The following CA10 variants were observed in gnomAD, a reference collection of about 807,000 sequenced individuals.
CA10 encodes the protein carbonic anhydrase-related protein 10.
Under a neutral mutation model 44.2 loss-of-function variants are expected in CA10, and 14 were observed. The observed-to-expected ratio is 0.32, with a 90% confidence interval of 0.21 to 0.50. The LOEUF is 0.50. CA10 is among the 20% of genes least tolerant of loss of function. The pLI is 0.99. For missense variants in CA10, 350 were observed against 409.7 expected (o/e 0.85, Z 1.26); for synonymous variants, 159 against 141.6 (o/e 1.12, Z -0.87).
chr17:51,817,999 C>A (rs1288958952), intron 3 of CA10, among the ~76,000 whole-genome samples: 2 of 152,202 alleles, frequency 1.3e-5, no homozygotes, highest in South Asian at 2.1e-4. Flanking sequence ...ATTTTCACTG[C>A]TGTTAGTATC....
At chr17:52,088,702 AC>A (rs1419635840) in intron 1 of CA10, among the ~76,000 whole-genome samples, 2 of 152,186 alleles carry the variant, frequency 1.3e-5, no homozygotes, top group African/African-American at 4.8e-5. Context: ...TCCCCCTCAA[AC>A]AATAGGTTTT....
intron 3 of CA10, among the ~76,000 whole-genome samples, chr17:51,759,496 TA>T (rs35492924): frequency 2.9e-4 from 18 of 61,474 alleles, no homozygotes; most frequent in Non-Finnish European, 3.6e-4. Context: ...TTAATATATT[TA>T]TTTTTTTTGG....
chr17:51,925,534 A>C (rs1372317403), intron 3 of CA10, among the ~76,000 whole-genome samples: 2 of 152,130 alleles, frequency 1.3e-5, no homozygotes, highest in Non-Finnish European at 2.9e-5. Context: ...AAAAAGTGTG[A>C]CAAACCTCAA....
intron 3 of CA10, among the ~76,000 whole-genome samples, chr17:51,791,929 T>C (rs1906533447): frequency 1.3e-5 from 2 of 152,308 alleles, no homozygotes; most frequent in African/African-American, 4.8e-5. Context: ...TGTATTAAAA[T>C]TCTTTATGCG....
intron 2 of CA10, among the ~76,000 whole-genome samples, chr17:51,932,576 A>T (rs1202248780): frequency 2.0e-5 from 3 of 152,142 alleles, no homozygotes; most frequent in Non-Finnish European, 1.5e-5. Flanking sequence ...ATTTGGTTTC[A>T]TCCATGCCAA....
chr17:51,633,357 T>C, intron 8 of CA10, 119 bp downstream of exon 8: 1 of 995,244 alleles, frequency 1.0e-6, no homozygotes, highest in East Asian at 2.5e-5. Flanking sequence ...GTGATGGCTA[T>C]TGTCATTTAC....
chr17:51,765,421 A>G (rs2143645447), intron 3 of CA10, among the ~76,000 whole-genome samples: 1 of 152,308 alleles, frequency 6.6e-6, no homozygotes, highest in South Asian at 2.1e-4. Flanking sequence ...GTAAGGAAAT[A>G]TACTCTTAAT....
intron 1 of CA10, among the ~76,000 whole-genome samples, chr17:52,126,909 G>A (rs1439169970): frequency 6.6e-6 from 1 of 152,174 alleles, no homozygotes; most frequent in Non-Finnish European, 1.5e-5. Flanking sequence ...ATGTTTTGAT[G>A]TCAACTTTTT....
intron 3 of CA10, among the ~76,000 whole-genome samples, chr17:51,816,020 T>C (rs1488257083): frequency 6.6e-6 from 1 of 152,114 alleles, no homozygotes; most frequent in Non-Finnish European, 1.5e-5. Context: ...GTAGATCTTG[T>C]TCATTCTTTC....
intron 4 of CA10, among the ~76,000 whole-genome samples, chr17:51,744,392 C>T (rs1045970235): frequency 1.3e-5 from 2 of 151,910 alleles, no homozygotes; most frequent in Non-Finnish European, 2.9e-5. Context: ...TTCCCCTGCT[C>T]ATTCGAATGT....
At chr17:51,980,118 A>G (rs907433352) in intron 2 of CA10, among the ~76,000 whole-genome samples, 12 of 152,126 alleles carry the variant, frequency 7.9e-5, no homozygotes, top group African/African-American at 2.9e-4. Flanking sequence ...TGCTTTCCAC[A>G]ATGGTTGAAC....
chr17:51,850,256 T>C (rs950812100), intron 3 of CA10, among the ~76,000 whole-genome samples: 1 of 152,212 alleles, frequency 6.6e-6, no homozygotes, highest in African/African-American at 2.4e-5. Flanking sequence ...CTGAGTTTTA[T>C]GGTTTCATAT....
intron 4 of CA10, among the ~76,000 whole-genome samples, chr17:51,746,523 C>A (rs1191389671): frequency 6.6e-6 from 1 of 152,202 alleles, no homozygotes; most frequent in Non-Finnish European, 1.5e-5. Context: ...TTCTCCTGAC[C>A]CCTTCAAGCA....
At chr17:51,738,898 C>CT (rs1410139053) in intron 4 of CA10, among the ~76,000 whole-genome samples, 2 of 152,184 alleles carry the variant, frequency 1.3e-5, no homozygotes, top group Non-Finnish European at 2.9e-5. Flanking sequence ...AACTTGGGTT[C>CT]TGGTCCTAAT....
intron 3 of CA10, among the ~76,000 whole-genome samples, chr17:51,805,675 A>C (rs1219168790): frequency 6.6e-6 from 1 of 152,258 alleles, no homozygotes; most frequent in African/African-American, 2.4e-5. Context: ...GACAGTTTTT[A>C]GTAAATTGCA....
chr17:52,043,392 AAC>A (rs1986824803), intron 2 of CA10, among the ~76,000 whole-genome samples: 1 of 151,914 alleles, frequency 6.6e-6, no homozygotes, highest in Non-Finnish European at 1.5e-5. Flanking sequence ...AATGTACAGA[AAC>A]AAAATTTTTT....
At chr17:51,958,791 C>T (rs192713643) in intron 2 of CA10, among the ~76,000 whole-genome samples, 9 of 152,072 alleles carry the variant, frequency 5.9e-5, no homozygotes, top group Admixed American at 1.3e-4. Context: ...AAAAACAAAA[C>T]GAGAAGAAAA....
intron 2 of CA10, among the ~76,000 whole-genome samples, chr17:51,988,661 A>AT (rs1415283424): frequency 6.6e-6 from 1 of 151,958 alleles, no homozygotes; most frequent in East Asian, 1.9e-4. Flanking sequence ...AACATTCTTT[A>AT]TTTTTACCTT....
chr17:52,009,290 T>G (rs1014890591), intron 2 of CA10, among the ~76,000 whole-genome samples: 1 of 151,968 alleles, frequency 6.6e-6, no homozygotes, highest in African/African-American at 2.4e-5. Flanking sequence ...CTGTAAACCC[T>G]CTAAGACCAG....
Sources: allele counts gnomAD v4.1 joint callset (sites outside exome capture counted in the v4.1 genomes callset), GRCh38; gene constraint gnomAD v4.1.1; transcripts MANE v1.5; gene names NCBI Gene and HGNC (gene_info 2026-07-23, HGNC 2026-07-21).